The following ANXA13 variants were observed in gnomAD, a reference collection of about 807,000 sequenced individuals.
ANXA13 encodes annexin XIII.
ANXA13 carries 36 observed loss-of-function variants against 46.6 expected under a neutral mutation model. That is an observed-to-expected ratio of 0.77 (90% CI 0.59 to 1.02). The LOEUF (loss-of-function observed/expected upper bound fraction) is 1.02. Among genes scored for constraint, ANXA13 ranks in the 50% least tolerant of loss-of-function variants. The probability of loss-of-function intolerance (pLI) is 0.00; values close to 1 mark genes in which losing one functional copy is unlikely to be tolerated. For synonymous variants in ANXA13, 163 were observed against 152.9 expected, an observed-to-expected ratio of 1.07 and a Z score of -0.49; for missense variants, 417 against 396.5, an observed-to-expected ratio of 1.05 and a Z score of -0.44.
chr8:123,735,608 G>T, intron 1 of ANXA13: 8 of 1,063,272 alleles, frequency 7.5e-6, no homozygotes, highest in Non-Finnish European at 1.0e-5. Context: ...CTTTTTGCAG[G>T]GAAAGATTTC....
At chr8:123,683,747 C>A (rs1813085369) in intron 10 of ANXA13, among the ~76,000 whole-genome samples, 1 of 151,938 alleles carries the variant, frequency 6.6e-6, no homozygotes, top group Admixed American at 6.6e-5. Context: ...CCACCATGCC[C>A]AGCTAATTTT....
intron 8 of ANXA13, among the ~76,000 whole-genome samples, chr8:123,689,785 G>A (rs1813200559): frequency 1.3e-5 from 2 of 152,188 alleles, no homozygotes; most frequent in Admixed American, 1.3e-4. Context: ...ATGCAATTAA[G>A]CATTAGAAAC....
chr8:123,694,937 C>T (rs1813303049), intron 6 of ANXA13, among the ~76,000 whole-genome samples: 2 of 151,904 alleles, frequency 1.3e-5, no homozygotes, highest in East Asian at 1.9e-4. Flanking sequence ...ATGCACAGAG[C>T]TCGTAAAGAT....
rs143787517 is a variant in ANXA13 at position 123,718,635 on chromosome 8, T to C, written c.16-5882A>G. Among the ~76,000 whole-genome samples, 123 of 152,368 alleles carry C rather than the reference T, an allele frequency of 8.1e-4. 1 individual carries two copies. Among genetic ancestry groups the C allele is most frequent in the African/African-American group, 3.0e-3 (123 of 41,588 alleles). On this transcript the variant is annotated intron_variant, in intron 1 of 10. Transcript: ENST00000419625. Reference sequence around the variant, plus strand: ...CACTGGTGCTGGGGGGACTTCCACTTTGGTTTTTTCTTCCTTCTAGTAGGT... The same window carrying C: ...CACTGGTGCTGGGGGGACTTCCACTCTGGTTTTTTCTTCCTTCTAGTAGGT...
intron 9 of ANXA13, 33 bp downstream of exon 9, chr8:123,688,838 C>T (rs1218074013): frequency 3.1e-6 from 5 of 1,602,542 alleles, no homozygotes; most frequent in East Asian, 4.5e-5. Context: ...GGCAGCCCAA[C>T]CTAAGACAGG....
intron 1 of ANXA13, among the ~76,000 whole-genome samples, chr8:123,735,283 G>A (rs1814234554): frequency 6.6e-6 from 1 of 152,136 alleles, no homozygotes; most frequent in Non-Finnish European, 1.5e-5. Context: ...ATTTGTTTTG[G>A]TTGTGTAGCT....
At chr8:123,710,254 G>C (rs138493270) in intron 2 of ANXA13, among the ~76,000 whole-genome samples, 157 of 152,238 alleles carry the variant, frequency 1.0e-3, no homozygotes, top group Middle Eastern at 3.4e-3. Flanking sequence ...ATTATGCCAA[G>C]TAAAAGAAGC....
intron 2 of ANXA13, among the ~76,000 whole-genome samples, chr8:123,708,791 G>GA (rs1032487434): frequency 6.6e-6 from 1 of 152,100 alleles, no homozygotes; most frequent in African/African-American, 2.4e-5. Context: ...CAGCAGCCCC[G>GA]GGGCAGTGTC....
In ANXA13 at chr8:123,698,518, G is replaced by C; in HGVS notation, c.228C>G (p.Phe76Leu). The change falls in exon 4 of 11, where the codon TTC becomes TTG. Residue 76 changes from phenylalanine (F) to leucine (L), a missense_variant. Phe to Leu is a conservative substitution (Grantham distance 22). Coordinates refer to ENST00000419625, the MANE Select transcript of ANXA13 (RefSeq NM_004306.4). ...CCAGAAGGGCCAACGCTGTCTTCTC[G>C]AAGTTTCCACTCAGCTCACTCTTGA... is the stretch of plus-strand genomic sequence containing the variant. Reference protein sequence around the residue: ...EVLKSELSGNFEKTALALLDR... With the variant: ...EVLKSELSGNLEKTALALLDR... 6.2e-7 allele frequency: 1 copy of C among 1,614,192 alleles called. No homozygotes were observed. The highest frequency in any genetic ancestry group is 8.5e-7 in the Non-Finnish European group (1 of 1,180,016).
intron 9 of ANXA13, among the ~76,000 whole-genome samples, chr8:123,687,118 C>T (rs1253813951): frequency 6.6e-6 from 1 of 152,148 alleles, no homozygotes; most frequent in Non-Finnish European, 1.5e-5. Flanking sequence ...CAAGAACTGG[C>T]CTTATTTACC....
intron 1 of ANXA13, among the ~76,000 whole-genome samples, chr8:123,718,101 A>T (rs904128686): frequency 2.6e-5 from 4 of 152,184 alleles, no homozygotes; most frequent in African/African-American, 9.7e-5. Flanking sequence ...GAAACTAACT[A>T]TGGTAAATGG....
chr8:123,722,896 C>T (rs1447939526), intron 1 of ANXA13, among the ~76,000 whole-genome samples: 7 of 152,110 alleles, frequency 4.6e-5, no homozygotes, highest in Non-Finnish European at 7.4e-5. Context: ...TCCAGTTCTC[C>T]CTTTCCTAAA....
Position 123,681,286 on chromosome 8 carries a change from T to C in ANXA13, c.905A>G (p.Asp302Gly). 6.2e-7 allele frequency: 1 copy of C among 1,614,202 alleles called. No individual in the cohort carries two copies. Among genetic ancestry groups the C allele is most frequent in the Non-Finnish European group, 8.5e-7 (1 of 1,180,010 alleles). The change falls in exon 11 of 11, where the codon GAT becomes GGT. Residue 302 changes from aspartate (D) to glycine (G), a missense_variant. By Grantham distance (94) the Asp-to-Gly change is moderately conservative. Coordinates refer to ENST00000419625, the MANE Select transcript of ANXA13 (RefSeq NM_004306.4). ...CAGTTTCCGGAAGTCCCCGGAGGTA[T>C]CTGAGCGAACCATGTCAGAGAGAGA... ...QKSLSDMVRS[D>G]TSGDFRKLLV...
At chr8:123,712,566 C>G in intron 2 of ANXA13, 112 bp downstream of exon 2, 2 of 946,678 alleles carry the variant, frequency 2.1e-6, no homozygotes, top group East Asian at 2.5e-5. Flanking sequence ...TGCGTTAGCT[C>G]GGAATACACA....
chr8:123,693,921 T>G (rs1195636396), intron 6 of ANXA13, 142 bp from the exon 7 acceptor site: 1 of 699,790 alleles, frequency 1.4e-6, no homozygotes, highest in Non-Finnish European at 2.5e-6. Context: ...AGGAAACACC[T>G]GCTCTTTGCT....
intron 10 of ANXA13, among the ~76,000 whole-genome samples, chr8:123,684,241 A>G (rs1447905034): frequency 1.3e-5 from 2 of 152,158 alleles, no homozygotes; most frequent in Non-Finnish European, 2.9e-5. Context: ...GAATTCAGAA[A>G]TCATTCTCTT....
At chr8:123,722,891 T>G (rs1400089387) in intron 1 of ANXA13, among the ~76,000 whole-genome samples, 1 of 152,174 alleles carries the variant, frequency 6.6e-6, no homozygotes, top group Non-Finnish European at 1.5e-5. Flanking sequence ...AATCTTCCAG[T>G]TCTCCCTTTC....
At chr8:123,721,735 A>G (rs1307363174) in intron 1 of ANXA13, among the ~76,000 whole-genome samples, 2 of 152,256 alleles carry the variant, frequency 1.3e-5, no homozygotes, top group Non-Finnish European at 2.9e-5. Flanking sequence ...GGAAAACTCA[A>G]AATTGAGAAT....
At chr8:123,719,085 T>C (rs557826220) in intron 1 of ANXA13, among the ~76,000 whole-genome samples, 103 of 152,346 alleles carry the variant, frequency 6.8e-4, no homozygotes, top group African/African-American at 2.2e-3. Flanking sequence ...CTGAGGGATA[T>C]GATTTGCAAA....
Sources: allele counts gnomAD v4.1 joint callset (sites outside exome capture counted in the v4.1 genomes callset), GRCh38; gene constraint gnomAD v4.1.1; transcripts MANE v1.5; gene names NCBI Gene and HGNC (gene_info 2026-07-23, HGNC 2026-07-21).